The following VPS13B variants were observed in gnomAD, a reference collection of about 807,000 sequenced individuals.
The protein encoded by VPS13B is vacuolar protein sorting 13 homolog B, also known as intermembrane lipid transfer protein VPS13B.
Under a neutral mutation model 426.4 loss-of-function variants are expected in VPS13B, and 285 were observed. The observed-to-expected ratio is 0.67, with a 90% CI of 0.61 to 0.74. The LOEUF is 0.74. Ranked by LOEUF, VPS13B falls within the 30% of genes least tolerant of loss-of-function variation. VPS13B has a pLI of 0.00. For synonymous variants in VPS13B, 1,676 were observed against 1,676.4 expected (o/e 1.00, Z 0.01); for missense variants, 4,537 against 4,782.6 (o/e 0.95, Z 1.51).
chr8:99,091,056 A>T (rs6468661), intron 3 of VPS13B, among the ~76,000 whole-genome samples: 112,988 of 152,114 alleles, frequency 0.74, 42,614 homozygotes, highest in South Asian at 0.87. Context: ...CATGTTTTGC[A>T]ATTTCTCTGA....
At chr8:99,495,429 T>C (rs1200729135) in intron 25 of VPS13B, among the ~76,000 whole-genome samples, 2 of 152,220 alleles carry the variant, frequency 1.3e-5, no homozygotes, top group African/African-American at 4.8e-5. Flanking sequence ...TTCTTTAGAG[T>C]TGAATCTGAC....
chr8:99,765,065 G>A (rs143659352), intron 39 of VPS13B, among the ~76,000 whole-genome samples: 5,801 of 152,160 alleles, frequency 0.038, 135 homozygotes, highest in Middle Eastern at 0.068. Context: ...GGCCAACATG[G>A]CGAAACCCCT....
chr8:99,446,411 G>A (rs907012616), intron 23 of VPS13B, among the ~76,000 whole-genome samples: 6 of 152,062 alleles, frequency 3.9e-5, no homozygotes, highest in Non-Finnish European at 7.4e-5. Context: ...GGTTCTTTAA[G>A]GATCTTCTCA....
chr8:99,324,446 A>G (rs577930787), intron 19 of VPS13B, among the ~76,000 whole-genome samples: 8 of 152,160 alleles, frequency 5.3e-5, no homozygotes, highest in African/African-American at 1.7e-4. Context: ...TCCTCTTCCC[A>G]TTTAATTTTA....
chr8:99,098,943 A>T (rs991467082), intron 4 of VPS13B, among the ~76,000 whole-genome samples: 2 of 152,076 alleles, frequency 1.3e-5, no homozygotes, highest in African/African-American at 2.4e-5. Flanking sequence ...TGGAGTTTCT[A>T]TATAAAAAGT....
At chr8:99,590,947 C>T (rs1369941368) in intron 33 of VPS13B, among the ~76,000 whole-genome samples, 2 of 152,010 alleles carry the variant, frequency 1.3e-5, no homozygotes, top group Non-Finnish European at 2.9e-5. Flanking sequence ...GTTAAAGTCT[C>T]CCATTGTTAT....
At position 99,730,392 on chromosome 8, in the gene VPS13B, G is replaced by A. The variant is rs145339600; in HGVS notation, c.7050+9345G>A. Among the ~76,000 whole-genome samples the A allele has an allele frequency of 1.1e-4, 17 of 152,234 alleles. No individual in the cohort carries two copies. In the East Asian group the frequency reaches 1.2e-3, roughly 10 times the overall value. On this transcript the variant is annotated intron_variant, in intron 39 of 61. Transcript: ENST00000357162. ...TAAATGTTTTTGAATGATGGGTAAC[G>A]GTGCTGGATCAACTGCTAAGTGTTT...
intron 30 of VPS13B, among the ~76,000 whole-genome samples, chr8:99,551,851 A>G (rs1824300546): frequency 1.3e-5 from 2 of 151,884 alleles, no homozygotes; most frequent in African/African-American, 2.4e-5. Flanking sequence ...ATATTTACCA[A>G]TGTCTTCCTT....
At chr8:99,220,891 A>G (rs1371919848) in intron 17 of VPS13B, among the ~76,000 whole-genome samples, 1 of 108,354 alleles carries the variant, frequency 9.2e-6, no homozygotes, top group Non-Finnish European at 1.8e-5. Context: ...GCACCCACTA[A>G]TGTGTCATCT....
chr8:99,117,879 A>C (rs755003031), intron 7 of VPS13B, among the ~76,000 whole-genome samples: 1 of 152,182 alleles, frequency 6.6e-6, no homozygotes, highest in South Asian at 2.1e-4. Context: ...ACTTGTGACT[A>C]TTAAAAAAAT....
Position 99,148,131 on chromosome 8 carries a change from A to T in VPS13B, c.2013+121A>T. 2.8e-6 allele frequency: 3 copies of T among 1,086,300 alleles called. No individual in the cohort carries two copies. The South Asian group carries it at 4.0e-5, about 14-fold the overall frequency. The allele number at this position is 1,086,300 out of a possible 1,614,324, so 67.3% of individuals were successfully genotyped here. A position where few individuals can be genotyped will look rare whatever the true frequency, so the allele number is the denominator to read the frequency against. ...AGTGGCTTGAGTGTGTAATCCTGGC[A>T]ATTCAGGAGGCTGGGGCAGGATGCA... On this transcript the variant is annotated intron_variant, in intron 14 of 61. Coordinates refer to ENST00000357162, the MANE Select transcript of VPS13B (RefSeq NM_152564.5).
intron 51 of VPS13B, among the ~76,000 whole-genome samples, chr8:99,825,260 T>G (rs1814608379): frequency 6.6e-6 from 1 of 152,230 alleles, no homozygotes; most frequent in Admixed American, 6.5e-5. Flanking sequence ...TTTTTAATGA[T>G]TGCCATTCTA....
intron 19 of VPS13B, among the ~76,000 whole-genome samples, chr8:99,297,855 T>G (rs73699986): frequency 6.6e-6 from 1 of 152,222 alleles, no homozygotes; most frequent in Non-Finnish European, 1.5e-5. Context: ...CTTCCTCATT[T>G]TAAGTGACAT....
At chr8:99,234,312 C>G (rs1816520309) in intron 17 of VPS13B, 3 of 757,224 alleles carry the variant, frequency 4.0e-6, no homozygotes, top group East Asian at 2.5e-5. Flanking sequence ...TCCACATTCT[C>G]CACTATCCCG....
chr8:99,482,250 A>C (rs913818144), intron 25 of VPS13B, among the ~76,000 whole-genome samples: 3 of 152,070 alleles, frequency 2.0e-5, no homozygotes, highest in African/African-American at 7.2e-5. Context: ...CCCAATTATA[A>C]AAGCTTTTCT....
At chr8:99,720,781 C>T (rs1833100562) in intron 38 of VPS13B, 82 bp from the exon 39 acceptor site, 1 of 1,352,168 alleles carries the variant, frequency 7.4e-7, no homozygotes, top group African/African-American at 1.5e-5. Context: ...CTTTTATTCT[C>T]ATAATTTCTT....
chr8:99,407,050 T>C (rs986965179), intron 21 of VPS13B, among the ~76,000 whole-genome samples: 9 of 152,138 alleles, frequency 5.9e-5, no homozygotes, highest in African/African-American at 2.2e-4. Context: ...TTGAAAACCA[T>C]ATAGAGAACT....
chr8:99,380,828 A>G (rs543599935), intron 19 of VPS13B, among the ~76,000 whole-genome samples: 1 of 151,566 alleles, frequency 6.6e-6, no homozygotes, highest in East Asian at 1.9e-4. Context: ...GTTTATTCTG[A>G]CATATACTTT....
intron 3 of VPS13B, among the ~76,000 whole-genome samples, chr8:99,053,623 G>A (rs1359942445): frequency 6.7e-6 from 1 of 149,108 alleles, no homozygotes; most frequent in African/African-American, 2.5e-5. Context: ...TTAGCACAGT[G>A]TCCTCAAGGT....
Sources: allele counts gnomAD v4.1 joint callset (sites outside exome capture counted in the v4.1 genomes callset), GRCh38; gene constraint gnomAD v4.1.1; transcripts MANE v1.5; gene names NCBI Gene and HGNC (gene_info 2026-07-23, HGNC 2026-07-21).